Variants in FBN3 observed in about 807,000 individuals in gnomAD.
FBN3 encodes the protein fibrillin-3.
FBN3 carries 234 observed loss-of-function variants against 330.1 expected under a neutral mutation model. That is an observed-to-expected ratio of 0.71 (90% CI 0.64 to 0.79). The LOEUF (loss-of-function observed/expected upper bound fraction) is 0.79, where lower values mean the gene tolerates loss of function less well. Among genes scored for constraint, FBN3 ranks in the 30% least tolerant of loss-of-function variants. FBN3 has a pLI of 0.00. For missense variants in FBN3, 3,606 were observed against 3,886.9 expected, an observed-to-expected ratio of 0.93 and a Z score of 1.92; for synonymous variants, 1,458 against 1,517.3, an observed-to-expected ratio of 0.96 and a Z score of 0.91.
At position 8,118,896 on chromosome 19, in the gene FBN3, C is replaced by A; in HGVS notation, c.3337+1G>T. 6.2e-7 allele frequency: 1 copy of A among 1,609,352 alleles called. No individual in the cohort carries two copies. The highest frequency in any genetic ancestry group is 8.5e-7 in the Non-Finnish European group (1 of 1,176,058). On this transcript the variant is annotated splice_donor_variant, in intron 26 of 63. Transcript: ENST00000600128. LOFTEE classifies it high-confidence loss of function. Reference sequence around the variant, plus strand: ...ACTTGCACACCCAGATGCACACTTACCCTCACAGGCAGTGCCCTTGGCCGT... The same window carrying A: ...ACTTGCACACCCAGATGCACACTTAACCTCACAGGCAGTGCCCTTGGCCGT...
chr19:8,100,567 A>AC (rs1292293463), intron 41 of FBN3, among the ~76,000 whole-genome samples: 1 of 152,024 alleles, frequency 6.6e-6, no homozygotes, highest in Non-Finnish European at 1.5e-5. Context: ...CAAACTCCTG[A>AC]CCTCAGGTGA....
chr19:8,118,891 AC>A lies in FBN3; in HGVS notation c.3337+5del, dbSNP rs2082772313. On this transcript the variant is annotated splice_donor_5th_base_variant and intron_variant, in intron 26 of 63. Transcript: ENST00000600128. ...CTCACACTTGCACACCCAGATGCAC[AC>A]TTACCCTCACAGGCAGTGCCCTTGG... 1 of 1,608,688 alleles carries A rather than the reference AC, an allele frequency of 6.2e-7. No homozygotes were observed. The highest frequency in any genetic ancestry group is 8.5e-7 in the Non-Finnish European group (1 of 1,175,616).
rs745817766 is a variant in FBN3, at chr19:8,118,937, G to A, written c.3297C>T (p.Pro1099=). 1.2e-6 allele frequency: 2 copies of A among 1,613,342 alleles called. No individual in the cohort carries two copies. The highest frequency in any genetic ancestry group is 2.7e-5 in the African/African-American group (2 of 75,054). The change falls in exon 26 of 64, where the codon CCC becomes CCT. Residue 1099 remains proline, a synonymous_variant. Coordinates refer to ENST00000600128, the MANE Select transcript of FBN3 (RefSeq NM_032447.5). ...CCTTGGCCGTCAGCTCATGCCCAGG[G>A]GGACACTGGCACTTGTAGCTCCCAT... The part of the protein sequence containing the change: ...NTDGSYKCQC[P]PGHELTAKGT...
chr19:8,104,093 C>G (rs755300844), intron 38 of FBN3, among the ~76,000 whole-genome samples: 1 of 150,532 alleles, frequency 6.6e-6, no homozygotes, highest in Non-Finnish European at 1.5e-5. Flanking sequence ...CCTCTGCACT[C>G]CAGCCTGGGT....
At chr19:8,110,751 G>T in intron 34 of FBN3, 94 bp downstream of exon 34, 1 of 1,529,726 alleles carries the variant, frequency 6.5e-7, no homozygotes. Flanking sequence ...GAGGATGCTT[G>T]AAAAGAGATC....
At chr19:8,104,098 C>T (rs2082386849) in intron 38 of FBN3, among the ~76,000 whole-genome samples, 1 of 149,464 alleles carries the variant, frequency 6.7e-6, no homozygotes, top group African/African-American at 2.5e-5. Context: ...GCACTCCAGC[C>T]TGGGTGCAGA....
At chr19:8,135,936 G>GGGGGGGGGGGGGGGCGCCGCCCCCCCCC in intron 13 of FBN3, 25 bp downstream of exon 13, 1 of 668,778 alleles carries the variant, frequency 1.5e-6, no homozygotes, top group Non-Finnish European at 2.4e-6. Flanking sequence ...GGAAGCCCCT[G>GGGGGGGGGGGGGGGCGCCGCCCCCCCCC]CCCACCCGCC....
chr19:8,147,550 G>C (rs1474074630), intron 1 of FBN3, 53 bp from the exon 2 acceptor site: 16 of 1,379,210 alleles, frequency 1.2e-5, no homozygotes, highest in Non-Finnish European at 1.5e-5. Flanking sequence ...CCTAGCCATG[G>C]GGGACCCAAC....
At chr19:8,111,234 C>T (rs1345376312) in intron 32 of FBN3, 51 bp from the exon 33 acceptor site, 1 of 1,541,800 alleles carries the variant, frequency 6.5e-7, no homozygotes, top group South Asian at 1.2e-5. Context: ...CCAGGACCCA[C>T]ACAGGGTGGG....
intron 16 of FBN3, among the ~76,000 whole-genome samples, chr19:8,130,611 A>AGGAAGGAAGGAAGGAAGGAAGGAAGGAAG (rs1271445703): frequency 6.5e-5 from 1 of 15,500 alleles, no homozygotes; most frequent in South Asian, 2.2e-3. Flanking sequence ...AAAGAAAGAA[A>AGGAAGGAAGGAAGGAAGGAAGGAAGGAAG]GAAAGAAAGA....
At position 8,066,029 on chromosome 19, in the gene FBN3, G is replaced by A. The variant is rs200422303; in HGVS notation, c.8320C>T (p.Arg2774Trp). ...GRRRPGPGTY[R>W]LEVVSHMAGP... The stretch of plus-strand genomic sequence containing the variant: ...GCCATGTGGCTCACCACCTCCAGCC[G>A]GTAGGTTCCAGGCCCCGGCCGCCTC... Residue 2774 changes from arginine (R) to tryptophan (W), a missense_variant, in exon 64 of 64, where the codon CGG becomes TGG. Physicochemically the swap from Arg to Trp is moderately radical, Grantham distance 101 (BLOSUM62 -3). Coordinates refer to ENST00000600128, the MANE Select transcript of FBN3 (RefSeq NM_032447.5). 99 of 1,613,088 alleles carry A rather than the reference G, an allele frequency of 6.1e-5. 1 individual carries two copies. The South Asian group carries it at 6.4e-4, about 10-fold the overall frequency.
chr19:8,126,811 C>A lies in FBN3; in HGVS notation c.2318G>T (p.Ser773Ile). The A allele has an allele frequency of 2.5e-6, 4 of 1,575,908 alleles. No individual in the cohort carries two copies. Among genetic ancestry groups the A allele is most frequent in the South Asian group, 1.2e-5 (1 of 84,842 alleles). ...ICKDVDECLSSPCVSGVCRNL... is the reference protein window; with the variant it reads ...ICKDVDECLSIPCVSGVCRNL... ...CCGACAGACGCCACTCACACACGGG[C>A]TGGACAGGCATTCGTCGACATCTGT... Residue 773 changes from serine to isoleucine, a missense_variant, in exon 19 of 64, where the codon AGC (serine) becomes ATC (isoleucine). By Grantham distance (142) the Ser-to-Ile change is moderately radical (BLOSUM62 -2). Coordinates refer to ENST00000600128, the MANE Select transcript of FBN3 (RefSeq NM_032447.5).
At chr19:8,135,000 A>T (rs2083245747) in intron 13 of FBN3, among the ~76,000 whole-genome samples, 1 of 150,408 alleles carries the variant, frequency 6.6e-6, no homozygotes, top group Admixed American at 6.6e-5. Flanking sequence ...ATTTTTTGAA[A>T]CAAGGTCTAG....
At chr19:8,100,866 G>C (rs1480647103) in intron 41 of FBN3, 35 bp downstream of exon 41, 7 of 1,582,508 alleles carry the variant, frequency 4.4e-6, no homozygotes, top group Non-Finnish European at 6.1e-6. Context: ...CAGGTGGATG[G>C]GTGCCCAGGG....
intron 60 of FBN3, 24 bp downstream of exon 60, chr19:8,075,259 A>G (rs1029020725): frequency 3.7e-6 from 6 of 1,601,056 alleles, no homozygotes; most frequent in South Asian, 2.2e-5. Context: ...CAAACACTAG[A>G]CCCCAGCCAA....
At position 8,138,379 on chromosome 19, in the gene FBN3, C is replaced by T. The variant is rs775120604; in HGVS notation, c.1018+33G>A. 3.7e-6 allele frequency: 6 copies of T among 1,610,108 alleles called. No individual in the cohort carries two copies. The South Asian group carries it at 6.6e-5, about 18-fold the overall frequency. ...TTGGCCCTCCCCTGTCCCCTCCTCACCCACAGCCCTGCAGGCTGCAGCTCT... is the reference window on the plus strand; with the variant it reads ...TTGGCCCTCCCCTGTCCCCTCCTCATCCACAGCCCTGCAGGCTGCAGCTCT... On this transcript the variant is annotated intron_variant, in intron 9 of 63. Coordinates refer to ENST00000600128, the MANE Select transcript of FBN3 (RefSeq NM_032447.5).
chr19:8,078,083 T>G (rs746878439), intron 59 of FBN3, among the ~76,000 whole-genome samples: 1 of 151,974 alleles, frequency 6.6e-6, no homozygotes, highest in Non-Finnish European at 1.5e-5. Flanking sequence ...ATCTCAAAAA[T>G]TAAAAACAGA....
At position 8,118,896 on chromosome 19, in the gene FBN3, C is replaced by T; in HGVS notation, c.3337+1G>A. ...ACTTGCACACCCAGATGCACACTTA[C>T]CCTCACAGGCAGTGCCCTTGGCCGT... On this transcript the variant is annotated splice_donor_variant, in intron 26 of 63. Coordinates refer to ENST00000600128, the MANE Select transcript of FBN3 (RefSeq NM_032447.5). LOFTEE classifies it high-confidence loss of function. 6.2e-7 allele frequency: 1 copy of T among 1,609,352 alleles called. No homozygotes were observed. The highest frequency in any genetic ancestry group is 8.5e-7 in the Non-Finnish European group (1 of 1,176,058).
intron 14 of FBN3, among the ~76,000 whole-genome samples, chr19:8,132,555 G>A (rs1478796728): frequency 4.0e-5 from 6 of 151,456 alleles, no homozygotes; most frequent in East Asian, 3.9e-4. Flanking sequence ...GCAATGGCGC[G>A]ATCTCGGCTC....
Sources: gnomAD v4.1 joint callset for allele counts (sites outside exome capture counted in the v4.1 genomes callset) on GRCh38, gnomAD v4.1.1 for gene constraint, MANE v1.5 for transcripts, NCBI Gene and HGNC (gene_info 2026-07-23, HGNC 2026-07-21) for gene names.